COLGALT2: variants seen among roughly 807,000 people sequenced by gnomAD.
The protein encoded by COLGALT2 is collagen beta(1-O)galactosyltransferase 2, also known as procollagen galactosyltransferase 2.
COLGALT2 carries 49 observed loss-of-function variants against 73.4 expected under a neutral mutation model. The observed-to-expected ratio is 0.67, with a 90% CI of 0.53 to 0.85. The LOEUF (loss-of-function observed/expected upper bound fraction) is 0.85. COLGALT2 is among the 40% of genes least tolerant of loss of function. The pLI is 0.00. For synonymous variants in COLGALT2, 295 were observed against 307.6 expected (o/e 0.96, Z 0.43); for missense variants, 722 against 790.2 (o/e 0.91, Z 1.03).
intron 1 of COLGALT2, among the ~76,000 whole-genome samples, chr1:184,015,467 A>G: frequency 6.6e-6 from 1 of 152,098 alleles, no homozygotes; most frequent in East Asian, 1.9e-4. Context: ...GAAATGCAGT[A>G]TTTTACTCAC....
rs78035460 is a variant in COLGALT2, at chr1:183,974,790, G to A, written c.492+307C>T. Among the ~76,000 whole-genome samples the A allele has an allele frequency of 4.2e-4, 64 of 152,316 alleles. 1 individual carries two copies. In the East Asian group the frequency reaches 9.8e-3, roughly 23 times the overall value. ...AAAAGTTGTAAGAACAACTTACATT[G>A]CTTTACCTACAGCCTTTCCTGTGAG... is the stretch of plus-strand genomic sequence containing the variant. On this transcript the variant is annotated intron_variant, in intron 3 of 11. Coordinates refer to ENST00000361927, the MANE Select transcript of COLGALT2 (RefSeq NM_015101.4).
At chr1:183,961,113 A>C (rs1015643773) in intron 6 of COLGALT2, among the ~76,000 whole-genome samples, 2 of 151,982 alleles carry the variant, frequency 1.3e-5, no homozygotes, top group Non-Finnish European at 2.9e-5. Context: ...ACATTTTCTT[A>C]CTCCTATTGT....
At chr1:183,996,585 T>G (rs1671775484) in intron 1 of COLGALT2, among the ~76,000 whole-genome samples, 1 of 152,240 alleles carries the variant, frequency 6.6e-6, no homozygotes, top group African/African-American at 2.4e-5. Flanking sequence ...CTGCAGGCTC[T>G]GTTAAGTTCC....
chr1:183,974,487 C>A (rs1046815657), intron 3 of COLGALT2, among the ~76,000 whole-genome samples: 10 of 152,192 alleles, frequency 6.6e-5, no homozygotes, highest in Admixed American at 6.5e-4. Context: ...ACTTCAATGG[C>A]ATTTAAACAG....
At chr1:183,942,956 T>C (rs1360847542) in intron 10 of COLGALT2, among the ~76,000 whole-genome samples, 1 of 152,204 alleles carries the variant, frequency 6.6e-6, no homozygotes, top group East Asian at 1.9e-4. Flanking sequence ...TGAAGTTGCC[T>C]TTATACAAGT....
intron 1 of COLGALT2, among the ~76,000 whole-genome samples, chr1:184,021,237 A>C (rs572207842): frequency 2.0e-5 from 3 of 152,224 alleles, no homozygotes; most frequent in Admixed American, 1.3e-4. Context: ...GACTTGAAAA[A>C]ACTCATTAAA....
chr1:184,036,616 G>A (rs1206256205), intron 1 of COLGALT2, among the ~76,000 whole-genome samples: 2 of 152,210 alleles, frequency 1.3e-5, no homozygotes, highest in African/African-American at 2.4e-5. Flanking sequence ...GCACTGCGGC[G>A]CCCCAGCCAC....
chr1:184,031,816 T>TTTCC (rs1649517888), intron 1 of COLGALT2, among the ~76,000 whole-genome samples: 1 of 109,334 alleles, frequency 9.1e-6, no homozygotes, highest in African/African-American at 3.5e-5. Context: ...TCCATGAATG[T>TTTCC]ATCCTTCCTT....
chr1:183,982,708 C>G (rs1671384778), intron 1 of COLGALT2, among the ~76,000 whole-genome samples: 1 of 152,210 alleles, frequency 6.6e-6, no homozygotes, highest in Admixed American at 6.5e-5. Flanking sequence ...AGGAGGATCA[C>G]TTGAGCCCAG....
At chr1:183,942,343 A>T (rs981851983) in intron 10 of COLGALT2, among the ~76,000 whole-genome samples, 1 of 152,234 alleles carries the variant, frequency 6.6e-6, no homozygotes, top group South Asian at 2.1e-4. Flanking sequence ...TACAAAAAAA[A>T]AAAGAAGGTA....
chr1:183,969,922 A>G (rs1670989834), intron 4 of COLGALT2, among the ~76,000 whole-genome samples: 1 of 152,222 alleles, frequency 6.6e-6, no homozygotes, highest in East Asian at 1.9e-4. Context: ...TCTCTAAAAC[A>G]GGGATGACGG....
downstream of COLGALT2, among the ~76,000 whole-genome samples, chr1:183,931,725 C>T (rs185058584): frequency 6.6e-6 from 1 of 151,398 alleles, no homozygotes; most frequent in South Asian, 2.1e-4. Context: ...TTATTTCATA[C>T]CAAAGCATCA....
At chr1:184,011,262 C>T (rs1461606709) in intron 1 of COLGALT2, among the ~76,000 whole-genome samples, 3 of 152,192 alleles carry the variant, frequency 2.0e-5, no homozygotes, top group Non-Finnish European at 4.4e-5. Flanking sequence ...GTGCCAGCCC[C>T]GTGGTTTGCT....
intron 1 of COLGALT2, among the ~76,000 whole-genome samples, chr1:183,992,873 T>C (rs1267510527): frequency 1.3e-5 from 2 of 152,214 alleles, no homozygotes; most frequent in Admixed American, 6.5e-5. Flanking sequence ...CTAGTACTTA[T>C]CAGAGTTGTA....
chr1:183,999,632 A>G (rs1671862541), intron 1 of COLGALT2, among the ~76,000 whole-genome samples: 1 of 152,048 alleles, frequency 6.6e-6, no homozygotes, highest in African/African-American at 2.4e-5. Context: ...CAATTTCTTC[A>G]ATGTTTATAA....
intron 7 of COLGALT2, among the ~76,000 whole-genome samples, chr1:183,953,812 G>A (rs1222772820): frequency 2.0e-5 from 3 of 152,086 alleles, no homozygotes; most frequent in Non-Finnish European, 4.4e-5. Flanking sequence ...TCAGTCTTAC[G>A]GAAGAAATCT....
chr1:183,934,845 G>T (rs1225351822), downstream of COLGALT2, among the ~76,000 whole-genome samples: 2 of 152,190 alleles, frequency 1.3e-5, no homozygotes, highest in African/African-American at 4.8e-5. Context: ...TTTACTGGAA[G>T]CCTCTGTATT....
chr1:183,956,769 C>T (rs549047380), intron 6 of COLGALT2, among the ~76,000 whole-genome samples: 3 of 152,106 alleles, frequency 2.0e-5, no homozygotes, highest in South Asian at 2.1e-4. Context: ...GGTTGGCTCC[C>T]GAAAGTCATC....
intron 4 of COLGALT2, among the ~76,000 whole-genome samples, chr1:183,970,388 C>T (rs1220588632): frequency 6.6e-6 from 1 of 152,202 alleles, no homozygotes; most frequent in East Asian, 1.9e-4. Flanking sequence ...AAAGCCAGCA[C>T]TCCGAAGGGC....
Sources: gnomAD v4.1 joint callset for allele counts (sites outside exome capture counted in the v4.1 genomes callset) on GRCh38, gnomAD v4.1.1 for gene constraint, MANE v1.5 for transcripts, NCBI Gene and HGNC (gene_info 2026-07-23, HGNC 2026-07-21) for gene names.